The following DYRK4 variants were observed in gnomAD, a reference collection of about 807,000 sequenced individuals.
The protein encoded by DYRK4 is dual specificity tyrosine phosphorylation regulated kinase 4.
In DYRK4, 64 loss-of-function variants were observed where a neutral mutation model predicts 68.3. The observed-to-expected ratio is 0.94, with a 90% confidence interval of 0.77 to 1.15. The LOEUF (loss-of-function observed/expected upper bound fraction) is 1.15, where lower values mean the gene tolerates loss of function less well. DYRK4 is among the 50% of genes most tolerant of loss of function. The pLI, the probability that DYRK4 is intolerant of heterozygous loss-of-function variation, is 0.00. For synonymous variants in DYRK4, 274 were observed against 289.9 expected (o/e 0.95, Z 0.56); for missense variants, 740 against 764.7 (o/e 0.97, Z 0.38).
intron 11 of DYRK4, among the ~76,000 whole-genome samples, chr12:4,605,333 A>G (rs1346507405): frequency 2.6e-5 from 4 of 152,250 alleles, no homozygotes; most frequent in Non-Finnish European, 5.9e-5. Context: ...AAATAGTGAC[A>G]TTTTAAAATA....
intron 8 of DYRK4, chr12:4,596,992 G>A (rs1565539535): frequency 1.5e-6 from 2 of 1,310,588 alleles, no homozygotes; most frequent in African/African-American, 1.5e-5. Flanking sequence ...ACCAAAACAA[G>A]GCCTCTTTCC....
rs757322889 is a variant in DYRK4 at position 4,610,227 on chromosome 12, C to T, written c.1433C>T (p.Thr478Met). The T allele has an allele frequency of 4.4e-6, 7 of 1,599,358 alleles. No homozygotes were observed. Among genetic ancestry groups the T allele is most frequent in the African/African-American group, 4.0e-5 (3 of 74,116 alleles). Residue 478 changes from threonine to methionine, a missense_variant, in exon 13 of 15, where the codon ACG becomes ATG. By Grantham distance (81) the Thr-to-Met change is moderately conservative (BLOSUM62 -1). This residue lies in a region of DYRK4 where 614 missense variants were observed against 603.7 expected (regional missense o/e 1.02). Transcript: ENST00000543431. ...KKRYPDSKDL[T>M]MVLKTYDTSF... Reference sequence around the variant, plus strand: ...AGATACCCAGATTCCAAGGACCTCACGATGGTGCTGAAAACCTATGACACC... The same window carrying T: ...AGATACCCAGATTCCAAGGACCTCATGATGGTGCTGAAAACCTATGACACC...
intron 2 of DYRK4, among the ~76,000 whole-genome samples, chr12:4,574,221 T>C (rs1225144371): frequency 1.1e-5 from 1 of 94,786 alleles, no homozygotes; most frequent in African/African-American, 4.5e-5. Context: ...CGAGACTCCA[T>C]CTTAAAAAAA....
At position 4,591,280 on chromosome 12, in the gene DYRK4, G is replaced by T. The variant is rs535704578; in HGVS notation, c.445G>T (p.Val149Leu). ...GGAGAAGTCACCAAAGAAGCAAAAG[G>T]TGACTCTGACAGCGGCAGGTATGCC... ...AEEKSPKKQK[V>L]TLTAAEALKL... Residue 149 changes from valine to leucine, a missense_variant, in exon 5 of 15, where the codon GTG (valine) becomes TTG (leucine). Physicochemically the swap from Val to Leu is conservative, Grantham distance 32. Transcript: ENST00000543431. This position sits in a 1 kb window ranked among gnomAD's most constrained non-coding sequence, Gnocchi z 4.1. 5.6e-6 allele frequency: 9 copies of T among 1,614,102 alleles called. No homozygotes were observed. In the South Asian group the frequency reaches 6.6e-5, roughly 12 times the overall value.
At chr12:4,600,089 G>A (rs781758304) in intron 10 of DYRK4, among the ~76,000 whole-genome samples, 6 of 152,162 alleles carry the variant, frequency 3.9e-5, no homozygotes, top group African/African-American at 1.4e-4. Context: ...CTGAAAAATT[G>A]TAGTTTGTTC....
At chr12:4,575,315 G>A (rs536415453) in intron 2 of DYRK4, among the ~76,000 whole-genome samples, 2 of 151,532 alleles carry the variant, frequency 1.3e-5, no homozygotes, top group African/African-American at 4.8e-5. Context: ...GTGTGTGTGT[G>A]TGTGTGTTTT....
chr12:4,593,212 G>A (rs752765034), intron 6 of DYRK4, 47 bp downstream of exon 6: 1 of 1,594,224 alleles, frequency 6.3e-7, no homozygotes, highest in Non-Finnish European at 8.5e-7. Context: ...CCAGGGACAA[G>A]AGGTAGTCTA....
rs560376411 is a variant in DYRK4, at chr12:4,582,065, C to T, written c.133-6872C>T. On this transcript the variant is annotated intron_variant, in intron 2 of 14. Transcript: ENST00000543431. ...CACGTGAGTGGTGTCATTGTCGGCA[C>T]TCAAAAGTGGAGCATTTCAGGCTAG... Among the ~76,000 whole-genome samples the T allele has an allele frequency of 5.3e-5, 8 of 152,278 alleles. No homozygotes were observed. The East Asian group carries it at 1.2e-3, about 22-fold the overall frequency.
intron 2 of DYRK4, among the ~76,000 whole-genome samples, chr12:4,575,492 G>A (rs1057462344): frequency 3.3e-5 from 5 of 152,012 alleles, no homozygotes; most frequent in Admixed American, 2.6e-4. Flanking sequence ...TGTACTTTTA[G>A]TAGAGACGGG....
chr12:4,604,946 T>C lies in DYRK4; in HGVS notation c.1159T>C (p.Ser387Pro), dbSNP rs1197045321. 1 of 1,611,238 alleles carries C rather than the reference T, an allele frequency of 6.2e-7. No individual in the cohort carries two copies. Reference sequence around the variant, plus strand: ...GTACATCCAAAGCCGGTTCTACCGATCCCCAGAAGTGATCCTGGGCCACCC... The same window carrying C: ...GTACATCCAAAGCCGGTTCTACCGACCCCCAGAAGTGATCCTGGGCCACCC... ...YTYIQSRFYRSPEVILGHPYD... is the reference protein window; with the variant it reads ...YTYIQSRFYRPPEVILGHPYD... The change falls in exon 11 of 15, where the codon TCC becomes CCC. Residue 387 changes from serine (S) to proline (P), a missense_variant. Transcript: ENST00000543431.
chr12:4,579,222 C>T (rs958220498), intron 2 of DYRK4, among the ~76,000 whole-genome samples: 1 of 151,810 alleles, frequency 6.6e-6, no homozygotes, highest in African/African-American at 2.4e-5. Flanking sequence ...TGCAGTGAGC[C>T]GAGATTGTAC....
In DYRK4 at chr12:4,602,982, T is replaced by C. The variant is rs943560963; in HGVS notation, c.1127-1932T>C. ...TTGAGCTTAAATTTTCACTCCCTTT[T>C]ATCATTCACGGGTTCTTGATTCTAT... On this transcript the variant is annotated intron_variant, in intron 10 of 14. Coordinates refer to ENST00000543431, the MANE Select transcript of DYRK4 (RefSeq NM_001394779.1). 5 of 894,640 alleles carry C rather than the reference T, an allele frequency of 5.6e-6. No homozygotes were observed. In the African/African-American group the frequency reaches 6.5e-5, roughly 12 times the overall value. The allele number at this position is 894,640 out of a possible 1,614,324, so 55.4% of individuals were successfully genotyped here.
At chr12:4,596,775 C>A (rs1467521279) in intron 8 of DYRK4, 46 bp downstream of exon 8, 1 of 1,608,630 alleles carries the variant, frequency 6.2e-7, no homozygotes, top group Non-Finnish European at 8.5e-7. Flanking sequence ...GAAAAGTTAC[C>A]TAAGTGATAG....
At chr12:4,572,163 C>T (rs927223616) in intron 2 of DYRK4, among the ~76,000 whole-genome samples, 1 of 152,170 alleles carries the variant, frequency 6.6e-6, no homozygotes, top group Non-Finnish European at 1.5e-5. Context: ...CCTTCATTTT[C>T]ACTGGCAGTT....
In DYRK4 at chr12:4,601,870, T is replaced by C. The variant is rs559332491; in HGVS notation, c.1126+2082T>C. Reference sequence around the variant, plus strand: ...TCTAGTCTTAAGTGAGACCAGTCTGTAGGGTTTGTGTGTGTGTGTGTGTGT... The same window carrying C: ...TCTAGTCTTAAGTGAGACCAGTCTGCAGGGTTTGTGTGTGTGTGTGTGTGT... On this transcript the variant is annotated intron_variant, in intron 10 of 14. Transcript: ENST00000543431. 5.8e-5 allele frequency: 7 copies of C among 121,362 alleles called. No individual in the cohort carries two copies. In the Admixed American group the frequency reaches 5.9e-4, roughly 10 times the overall value. The allele number at this position is 121,362 out of a possible 1,614,324, so 7.5% of individuals were successfully genotyped here. A position where few individuals can be genotyped will look rare whatever the true frequency, so the allele number is the denominator to read the frequency against.
At chr12:4,586,729 C>CACACACACAG (rs368783190) in intron 2 of DYRK4, among the ~76,000 whole-genome samples, 4,710 of 112,268 alleles carry the variant, frequency 0.042, 224 homozygotes, top group African/African-American at 0.12. Context: ...CACACACACA[C>CACACACACAG]ACAGACACAC....
chr12:4,568,462 T>C (rs190201130), intron 2 of DYRK4, among the ~76,000 whole-genome samples: 2,263 of 152,144 alleles, frequency 0.015, 49 homozygotes, highest in African/African-American at 0.052. Flanking sequence ...CTCAGCTCAC[T>C]GCAACCTCCA....
chr12:4,573,923 G>C (rs1195319556), intron 2 of DYRK4, among the ~76,000 whole-genome samples: 5 of 152,126 alleles, frequency 3.3e-5, no homozygotes, highest in Non-Finnish European at 7.4e-5. Context: ...CCCAACACAA[G>C]GTTTTAAGAA....
chr12:4,610,440 C>T, intron 13 of DYRK4, 156 bp downstream of exon 13: 2 of 708,278 alleles, frequency 2.8e-6, no homozygotes, highest in East Asian at 3.2e-5. Flanking sequence ...GCTTCCACAT[C>T]TGTTGTTTCA....
Sources: allele counts gnomAD v4.1 joint callset (sites outside exome capture counted in the v4.1 genomes callset), GRCh38; gene constraint gnomAD v4.1.1; regional missense constraint gnomAD v4.1.1; non-coding constraint Gnocchi (gnomAD v3.1); transcripts MANE v1.5; gene names NCBI Gene and HGNC (gene_info 2026-07-23, HGNC 2026-07-21).